PRELID2: variants seen among roughly 807,000 people sequenced by gnomAD.
The protein encoded by PRELID2 is PRELI domain-containing protein 2.
Under a neutral mutation model 28.4 loss-of-function variants are expected in PRELID2, and 25 were observed. The ratio of observed to expected loss-of-function variants is 0.88; its 90% CI spans 0.64 to 1.23. PRELID2 has a LOEUF of 1.23. Ranked by LOEUF, PRELID2 falls within the 50% of genes most tolerant of loss-of-function variation. PRELID2 has a pLI of 0.00. For synonymous variants in PRELID2, 76 were observed against 71.6 expected, an observed-to-expected ratio of 1.06 and a Z score of -0.31; for missense variants, 201 against 214.4, an observed-to-expected ratio of 0.94 and a Z score of 0.39.
intron 1 of PRELID2, among the ~76,000 whole-genome samples, chr5:145,710,345 C>A (rs1220848401): frequency 6.6e-6 from 1 of 152,100 alleles, no homozygotes; most frequent in Non-Finnish European, 1.5e-5. Flanking sequence ...GATATTTTCC[C>A]AAGTGCTATC....
chr5:145,346,692 CCTTTTCAAGAGAACA>C, the PRELID2 span, among the ~76,000 whole-genome samples: 1 of 152,082 alleles, frequency 6.6e-6, no homozygotes, highest in Admixed American at 6.6e-5. Context: ...ACCATCTGGC[CCTTTTCAAGAGAACA>C]CTATACTCTC....
intron 1 of PRELID2, among the ~76,000 whole-genome samples, chr5:145,582,088 G>T (rs1217961438): frequency 1.3e-5 from 2 of 151,960 alleles, no homozygotes; most frequent in Non-Finnish European, 2.9e-5. Flanking sequence ...TATTATTGTG[G>T]TTAAGAACAC....
At chr5:145,781,627 ATATATACACACTATATATATAC>A (rs1206835063) in intron 5 of PRELID2, among the ~76,000 whole-genome samples, 86 of 137,266 alleles carry the variant, frequency 6.3e-4, no homozygotes, top group African/African-American at 2.2e-3. Context: ...TATATACTAT[ATATATACACACTATATATATAC>A]TATATATACA....
chr5:145,688,194 G>A (rs1297421834), intron 1 of PRELID2, among the ~76,000 whole-genome samples: 1 of 152,218 alleles, frequency 6.6e-6, no homozygotes, highest in Admixed American at 6.5e-5. Flanking sequence ...TTCATCAGCG[G>A]TGTGACACAT....
At chr5:145,428,110 C>T in the PRELID2 span, among the ~76,000 whole-genome samples, 3 of 152,250 alleles carry the variant, frequency 2.0e-5, no homozygotes, top group Admixed American at 6.5e-5. Context: ...AGGTGCCTGC[C>T]ACCACACCTG....
chr5:145,547,182 G>T (rs1367253894), intron 1 of PRELID2, among the ~76,000 whole-genome samples: 1 of 152,172 alleles, frequency 6.6e-6, no homozygotes, highest in Non-Finnish European at 1.5e-5. Context: ...AACATTGCTT[G>T]ATTGGAGTCA....
At chr5:145,286,596 C>T in the PRELID2 span, among the ~76,000 whole-genome samples, 2 of 152,122 alleles carry the variant, frequency 1.3e-5, no homozygotes, top group Non-Finnish European at 2.9e-5. Flanking sequence ...TCAAGAAGCA[C>T]TCTTTTTCAT....
At chr5:145,762,069 A>G (rs570064394) in intron 6 of PRELID2, among the ~76,000 whole-genome samples, 1 of 152,230 alleles carries the variant, frequency 6.6e-6, no homozygotes, top group Non-Finnish European at 1.5e-5. Context: ...ATACATATAC[A>G]TATATCCCCT....
chr5:145,549,293 A>G (rs2126679480), intron 1 of PRELID2, among the ~76,000 whole-genome samples: 1 of 152,290 alleles, frequency 6.6e-6, no homozygotes, highest in Middle Eastern at 3.4e-3. Context: ...AGTTTCTGGG[A>G]CAAAGAGGGT....
At chr5:145,254,459 T>C in the PRELID2 span, among the ~76,000 whole-genome samples, 2 of 152,074 alleles carry the variant, frequency 1.3e-5, no homozygotes, top group African/African-American at 4.8e-5. Context: ...CCAGATCTCC[T>C]GCCTCATGGA....
chr5:145,257,546 C>T, the PRELID2 span, among the ~76,000 whole-genome samples: 5 of 151,950 alleles, frequency 3.3e-5, no homozygotes, highest in Middle Eastern at 3.2e-3. Flanking sequence ...AATTATAAGT[C>T]GGAGATTGCC....
chr5:145,505,873 G>A (rs1752406240), intron 1 of PRELID2, among the ~76,000 whole-genome samples: 1 of 152,138 alleles, frequency 6.6e-6, no homozygotes, highest in Non-Finnish European at 1.5e-5. Flanking sequence ...AGAACACTAT[G>A]TATGTGAAAT....
the PRELID2 span, among the ~76,000 whole-genome samples, chr5:145,288,161 C>T: frequency 6.6e-6 from 1 of 152,128 alleles, no homozygotes; most frequent in Non-Finnish European, 1.5e-5. Flanking sequence ...CTCCTCTCCA[C>T]ACTCTAGTCT....
intron 4 of PRELID2, among the ~76,000 whole-genome samples, chr5:145,817,190 C>CAAAAAAA (rs1246315266): frequency 7.0e-5 from 3 of 42,654 alleles, no homozygotes; most frequent in African/African-American, 2.0e-4. Flanking sequence ...GACTGCATTT[C>CAAAAAAA]AAAAAAAAAT....
the PRELID2 span, among the ~76,000 whole-genome samples, chr5:145,453,020 G>T: frequency 6.6e-6 from 1 of 152,114 alleles, no homozygotes; most frequent in Non-Finnish European, 1.5e-5. Flanking sequence ...TGTACAAATG[G>T]ATAATATGTT....
chr5:145,814,487 T>A (rs1358848398), intron 4 of PRELID2, among the ~76,000 whole-genome samples: 1 of 151,944 alleles, frequency 6.6e-6, no homozygotes, highest in African/African-American at 2.4e-5. Context: ...CCACCTCTGA[T>A]GCCAATAAGA....
chr5:145,323,271 A>G, the PRELID2 span, among the ~76,000 whole-genome samples: 1 of 152,112 alleles, frequency 6.6e-6, no homozygotes, highest in Admixed American at 6.5e-5. Context: ...GAGCACAGAA[A>G]ATGAGTGGGA....
the PRELID2 span, among the ~76,000 whole-genome samples, chr5:145,441,984 T>C: frequency 6.6e-6 from 1 of 152,126 alleles, no homozygotes; most frequent in East Asian, 1.9e-4. Context: ...TCATAGGAGA[T>C]GGCATTGCCA....
the PRELID2 span, among the ~76,000 whole-genome samples, chr5:145,326,608 C>T: frequency 6.6e-6 from 1 of 151,984 alleles, no homozygotes; most frequent in Non-Finnish European, 1.5e-5. Flanking sequence ...AATAGTGAGT[C>T]TAGAAGAAGG....
Sources: allele counts gnomAD v4.1 joint callset (sites outside exome capture counted in the v4.1 genomes callset), GRCh38; gene constraint gnomAD v4.1.1; transcripts MANE v1.5; gene names NCBI Gene and HGNC (gene_info 2026-07-23, HGNC 2026-07-21).